ALG11: variants seen among roughly 807,000 people sequenced by gnomAD.
The protein encoded by ALG11 is GDP-Man:Man(3)GlcNAc(2)-PP-Dol alpha-1,2-mannosyltransferase.
ALG11 carries 26 observed loss-of-function variants against 38.8 expected under a neutral mutation model. That is an observed-to-expected ratio of 0.67 (90% CI 0.49 to 0.93). The LOEUF (loss-of-function observed/expected upper bound fraction) is 0.93, where lower values mean the gene tolerates loss of function less well. Ranked by LOEUF, ALG11 falls within the 40% of genes least tolerant of loss-of-function variation. The probability of loss-of-function intolerance (pLI) is 0.00; values close to 1 mark genes in which losing one functional copy is unlikely to be tolerated. For synonymous variants in ALG11, 199 were observed against 211.6 expected, an observed-to-expected ratio of 0.94 and a Z score of 0.52; for missense variants, 535 against 578.8, an observed-to-expected ratio of 0.92 and a Z score of 0.78.
At position 52,028,563 on chromosome 13, in the gene ALG11, A is replaced by G. The variant is rs188332164; in HGVS notation, c.1452A>G (p.Leu484=). 1.8e-4 allele frequency: 295 copies of G among 1,614,186 alleles called. No homozygotes were observed. In the East Asian group the frequency reaches 2.6e-3, roughly 14 times the overall value. The part of the protein sequence containing the change: ...FSDQEFEVTF[L]SSVEKLFK ...ATCAGGAATTTGAAGTGACATTCCT[A>G]TCATCTGTGGAAAAGTTATTTAAGT... is the stretch of plus-strand genomic sequence containing the variant. The change falls in exon 4 of 4, where the codon CTA becomes CTG. Residue 484 remains leucine (L), a synonymous_variant. Transcript: ENST00000521508.
rs1468688140 is a variant in ALG11, at chr13:52,029,016, C to CA, written c.*427dup. The CA allele has an allele frequency of 3.7e-6, 6 of 1,614,122 alleles. No individual in the cohort carries two copies. Among genetic ancestry groups the CA allele is most frequent in the Non-Finnish European group, 5.1e-6 (6 of 1,180,062 alleles). On this transcript the variant is annotated 3_prime_UTR_variant, in exon 4 of 4. Transcript: ENST00000521508. Reference sequence around the variant, plus strand: ...AGGTCTGAGGCTAGTCTGAAAGTGTCAGAGTTCAGTGTCAGTTCTGAAGGA... The same window carrying CA: ...AGGTCTGAGGCTAGTCTGAAAGTGTCAAGAGTTCAGTGTCAGTTCTGAAGGA...
rs768035716 is a variant in ALG11, at chr13:52,030,762, C to T, written c.*2172C>T. 1 of 1,614,180 alleles carries T rather than the reference C, an allele frequency of 6.2e-7. No homozygotes were observed. The highest frequency in any genetic ancestry group is 8.5e-7 in the Non-Finnish European group (1 of 1,180,028). On this transcript the variant is annotated 3_prime_UTR_variant, in exon 4 of 4. Coordinates refer to ENST00000521508, the MANE Select transcript of ALG11 (RefSeq NM_001004127.3). ...AGACGCCAGTTTCTCATTAAAGCCC[C>T]TGAGGGTCCTCCAAGAAAAGATAAG...
chr13:52,019,500 T>C (rs996198670), intron 2 of ALG11, among the ~76,000 whole-genome samples: 4 of 152,142 alleles, frequency 2.6e-5, no homozygotes, highest in East Asian at 3.9e-4. Flanking sequence ...GTATTACAGG[T>C]GTGAGCCACC....
Position 52,012,466 on chromosome 13 carries a change from A to G in ALG11, c.44+4A>G. 1 of 1,614,134 alleles carries G rather than the reference A, an allele frequency of 6.2e-7. No individual in the cohort carries two copies. The highest frequency in any genetic ancestry group is 2.2e-5 in the East Asian group (1 of 44,882). On this transcript the variant is annotated splice_donor_region_variant and intron_variant, in intron 1 of 3. Transcript: ENST00000521508. ...GGTGCCTGTGCAAGTTGTTGAGGTG[A>G]GCAGCCGGTCGTGTGGGCTCACAGA... is the stretch of plus-strand genomic sequence containing the variant.
chr13:52,029,386 C>CA lies in ALG11; in HGVS notation c.*798dup. On this transcript the variant is annotated 3_prime_UTR_variant, in exon 4 of 4. Coordinates refer to ENST00000521508, the MANE Select transcript of ALG11 (RefSeq NM_001004127.3). ...AAATTTTTAACCTCCTCCATAAGAA[C>CA]AAGCAGCCAGTGACAGATCCTTTAC... 6.2e-7 allele frequency: 1 copy of CA among 1,614,146 alleles called. No homozygotes were observed. Among genetic ancestry groups the CA allele is most frequent in the East Asian group, 2.2e-5 (1 of 44,858 alleles).
intron 3 of ALG11, among the ~76,000 whole-genome samples, chr13:52,025,710 A>T (rs564068330): frequency 6.6e-6 from 1 of 152,354 alleles, no homozygotes; most frequent in South Asian, 2.1e-4. Flanking sequence ...CTATAAAATC[A>T]AGTACTGCTT....
chr13:52,025,768 A>T, intron 3 of ALG11, among the ~76,000 whole-genome samples: 1 of 152,240 alleles, frequency 6.6e-6, no homozygotes, highest in Non-Finnish European at 1.5e-5. Context: ...TTTGTGCCTC[A>T]CACTGTTAGT....
chr13:52,027,514 ATCAGC>A (rs1362457019), intron 3 of ALG11, among the ~76,000 whole-genome samples: 4 of 152,230 alleles, frequency 2.6e-5, no homozygotes, highest in Admixed American at 2.6e-4. Context: ...CCAGGATGAT[ATCAGC>A]TCTGTACCAT....
At position 52,024,509 on chromosome 13, in the gene ALG11, G is replaced by T; in HGVS notation, c.779G>T (p.Trp260Leu). The stretch of plus-strand genomic sequence containing the variant: ...GATGTAGTCATGGTCAATTCTTCTT[G>T]GACACTAAACCATATTCTCTCACTA... ...CSDVVMVNSS[W>L]TLNHILSLWK... The change falls in exon 3 of 4, where the codon TGG (tryptophan) becomes TTG (leucine). Residue 260 changes from tryptophan (W) to leucine (L), a missense_variant. By Grantham distance (61) the Trp-to-Leu change is moderately conservative (BLOSUM62 -2). Transcript: ENST00000521508. 6.2e-7 allele frequency: 1 copy of T among 1,614,006 alleles called. No homozygotes were observed. The highest frequency in any genetic ancestry group is 8.5e-7 in the Non-Finnish European group (1 of 1,180,004).
At chr13:52,019,258 G>C (rs941296473) in intron 2 of ALG11, 115 bp downstream of exon 2, 1 of 921,698 alleles carries the variant, frequency 1.1e-6, no homozygotes, top group Admixed American at 3.3e-5. Flanking sequence ...GTCTTACTCT[G>C]TCACCCAGGC....
intron 2 of ALG11, chr13:52,020,888 A>G (rs1370187809): frequency 6.6e-6 from 1 of 152,074 alleles, no homozygotes; most frequent in Non-Finnish European, 1.5e-5. Context: ...TCCCCAGTTA[A>G]TTTCTACAAG....
rs200256413 is a variant in ALG11, at chr13:52,030,646, T to C, written c.*2056T>C. The stretch of plus-strand genomic sequence containing the variant: ...ATTTCTTGAAAGAGAAGAGGGAAGC[T>C]GTGGAGGCGAGTAAGCCAAAGGACG... On this transcript the variant is annotated 3_prime_UTR_variant, in exon 4 of 4. Coordinates refer to ENST00000521508, the MANE Select transcript of ALG11 (RefSeq NM_001004127.3). 2.6e-5 allele frequency: 42 copies of C among 1,614,112 alleles called. No individual in the cohort carries two copies. In the East Asian group the frequency reaches 9.1e-4, roughly 35 times the overall value.
At position 52,028,876 on chromosome 13, in the gene ALG11, C is replaced by A; in HGVS notation, c.*286C>A. 1 of 1,614,210 alleles carries A rather than the reference C, an allele frequency of 6.2e-7. No homozygotes were observed. The highest frequency in any genetic ancestry group is 8.5e-7 in the Non-Finnish European group (1 of 1,180,036). ...AAGAACTAGTGGATTTGCCAAAAAA[C>A]TACCCCTTGAGTGAAAATGAAGATG... On this transcript the variant is annotated 3_prime_UTR_variant, in exon 4 of 4. Coordinates refer to ENST00000521508, the MANE Select transcript of ALG11 (RefSeq NM_001004127.3).
chr13:52,030,266 G>A lies in ALG11; in HGVS notation c.*1676G>A, dbSNP rs1023805672. Reference sequence around the variant, plus strand: ...GGGGACTGTTCCCCAGGTCCAGAGAGAGGAACCTGCCCCAGAAGAAGCGGA... The same window carrying A: ...GGGGACTGTTCCCCAGGTCCAGAGAAAGGAACCTGCCCCAGAAGAAGCGGA... On this transcript the variant is annotated 3_prime_UTR_variant, in exon 4 of 4. Transcript: ENST00000521508. 1.9e-6 allele frequency: 3 copies of A among 1,614,214 alleles called. No individual in the cohort carries two copies. The highest frequency in any genetic ancestry group is 3.3e-5 in the Admixed American group (2 of 60,024).
intron 2 of ALG11, chr13:52,022,965 T>C (rs974013908): frequency 6.6e-6 from 1 of 152,218 alleles, no homozygotes; most frequent in Non-Finnish European, 1.5e-5. Context: ...ACCCAGCCAA[T>C]AAATGTTTTA....
intron 1 of ALG11, 141 bp from the exon 2 acceptor site, chr13:52,018,772 A>C (rs1219858965): frequency 4.1e-6 from 3 of 723,726 alleles, no homozygotes; most frequent in Non-Finnish European, 7.0e-6. Context: ...TTCATACTTG[A>C]GTATTTTGTT....
Position 52,028,386 on chromosome 13 carries a change from C to T in ALG11, c.1275C>T (p.Asp425=). Residue 425 remains aspartate (D), a synonymous_variant, in exon 4 of 4, where the codon GAC becomes GAT. Transcript: ENST00000521508. ...ACAATTCGGGGGGCCCAAAGCTTGA[C>T]ATTGTGGTTCCTCACGAAGGAGATA... ...LAHNSGGPKL[D]IVVPHEGDIT... The T allele has an allele frequency of 6.2e-7, 1 of 1,614,130 alleles. No homozygotes were observed. The highest frequency in any genetic ancestry group is 8.5e-7 in the Non-Finnish European group (1 of 1,180,030).
intron 1 of ALG11, 105 bp downstream of exon 1, chr13:52,012,567 A>C: frequency 6.8e-7 from 1 of 1,469,668 alleles, no homozygotes; most frequent in Non-Finnish European, 9.4e-7. Flanking sequence ...CCTTGTCATG[A>C]ATCTAAGGTA....
chr13:52,029,801 A>G lies in ALG11; in HGVS notation c.*1211A>G. ...ACAGTTGGCCAAGAACAAAGAACTG[A>G]CACAGAAACTCCAGGTAGCCTCTGA... On this transcript the variant is annotated 3_prime_UTR_variant, in exon 4 of 4. Coordinates refer to ENST00000521508, the MANE Select transcript of ALG11 (RefSeq NM_001004127.3). 6.2e-7 allele frequency: 1 copy of G among 1,614,200 alleles called. No homozygotes were observed. The highest frequency in any genetic ancestry group is 8.5e-7 in the Non-Finnish European group (1 of 1,180,026).
Sources: gnomAD v4.1 joint callset for allele counts (sites outside exome capture counted in the v4.1 genomes callset) on GRCh38, gnomAD v4.1.1 for gene constraint, MANE v1.5 for transcripts, NCBI Gene and HGNC (gene_info 2026-07-23, HGNC 2026-07-21) for gene names.